The following DYM variants were observed in gnomAD, a reference collection of about 807,000 sequenced individuals.
The protein encoded by DYM is dyggve-Melchior-Clausen syndrome protein.
DYM carries 78 observed loss-of-function variants against 93.1 expected under a neutral mutation model. That is an observed-to-expected ratio of 0.84 (90% CI 0.70 to 1.01). The LOEUF (loss-of-function observed/expected upper bound fraction) is 1.01. DYM is among the 50% of genes least tolerant of loss of function. The pLI is 0.00. For missense variants in DYM, 789 were observed against 845.0 expected (o/e 0.93, Z 0.82); for synonymous variants, 321 against 319.7 (o/e 1.00, Z -0.04).
chr18:49,097,317 G>C, intron 17 of DYM, 85 bp downstream of exon 17: 1 of 1,223,954 alleles, frequency 8.2e-7, no homozygotes, highest in South Asian at 1.3e-5. Context: ...TAAGCAGCAT[G>C]ATTCTGGATA....
chr18:49,245,229 A>G (rs1419388487), intron 13 of DYM, among the ~76,000 whole-genome samples: 2 of 152,224 alleles, frequency 1.3e-5, no homozygotes, highest in Non-Finnish European at 2.9e-5. Flanking sequence ...TAACTGTACA[A>G]AATGTTTGTA....
At position 49,154,388 on chromosome 18, in the gene DYM, T is replaced by G. The variant is rs187751166; in HGVS notation, c.1728+9297A>C. On this transcript the variant is annotated intron_variant, in intron 15 of 17. Coordinates refer to ENST00000675505, the MANE Select transcript of DYM (RefSeq NM_001353214.3). Reference sequence around the variant, plus strand: ...AAGGGAGAATTGGGTGAAGTATATATGAAAATTCATTTTTGTTTTTTTTGA... The same window carrying G: ...AAGGGAGAATTGGGTGAAGTATATAGGAAAATTCATTTTTGTTTTTTTTGA... 1.2e-4 allele frequency among the ~76,000 whole-genome samples: 19 copies of G among 152,258 alleles called. No individual in the cohort carries two copies. The South Asian group carries it at 3.9e-3, about 32-fold the overall frequency.
chr18:49,266,914 G>T (rs1599001674), intron 11 of DYM, among the ~76,000 whole-genome samples: 1 of 152,086 alleles, frequency 6.6e-6, no homozygotes, highest in Non-Finnish European at 1.5e-5. Flanking sequence ...AAAGCAGAAG[G>T]ATGTAAAATC....
rs1218068314 is a variant in DYM, at chr18:49,371,042, GC to G, written c.421+7524del. 4.6e-5 allele frequency among the ~76,000 whole-genome samples: 7 copies of G among 152,298 alleles called. No homozygotes were observed. The East Asian group carries it at 1.3e-3, about 29-fold the overall frequency. ...GAGGATGAATGCCAGTTAGAATGAA[GC>G]CCACTGACTAAGCCTCAGTCAGTGG... On this transcript the variant is annotated intron_variant, in intron 5 of 17. Coordinates refer to ENST00000675505, the MANE Select transcript of DYM (RefSeq NM_001353214.3).
In DYM at chr18:49,283,336, C is replaced by A. The variant is rs185411201; in HGVS notation, c.947-1161G>T. 5.9e-5 allele frequency among the ~76,000 whole-genome samples: 9 copies of A among 152,042 alleles called. No homozygotes were observed. The East Asian group carries it at 1.2e-3, about 20-fold the overall frequency. ...TCAAAAGAGCACACCAAGCTTGAGA[C>A]AACTACCAGAAAACTTCTATAACTT... On this transcript the variant is annotated intron_variant, in intron 9 of 17. Transcript: ENST00000675505.
chr18:49,409,562 T>C (rs934131949), intron 2 of DYM, among the ~76,000 whole-genome samples: 5 of 152,116 alleles, frequency 3.3e-5, no homozygotes, highest in African/African-American at 4.8e-5. Context: ...AAAGCATGTA[T>C]CCCTTCATTC....
intron 17 of DYM, among the ~76,000 whole-genome samples, chr18:49,051,310 C>A (rs1018554122): frequency 3.3e-5 from 5 of 152,220 alleles, no homozygotes; most frequent in African/African-American, 9.6e-5. Flanking sequence ...AGGCTGGGGA[C>A]AGGAGGCCTT....
At chr18:49,290,403 C>G (rs1252010531) in intron 8 of DYM, among the ~76,000 whole-genome samples, 1 of 151,842 alleles carries the variant, frequency 6.6e-6, no homozygotes, top group Non-Finnish European at 1.5e-5. Flanking sequence ...ATACATCACA[C>G]TGCAAACAGA....
intron 13 of DYM, among the ~76,000 whole-genome samples, chr18:49,211,511 T>C (rs537533567): frequency 6.5e-4 from 99 of 152,284 alleles, no homozygotes; most frequent in African/African-American, 2.2e-3. Flanking sequence ...AAGAGGGTGA[T>C]AGGTAATTTT....
intron 2 of DYM, among the ~76,000 whole-genome samples, chr18:49,406,330 C>A (rs1396372371): frequency 6.6e-6 from 1 of 150,810 alleles, no homozygotes; most frequent in Admixed American, 6.6e-5. Context: ...GAGGCTGAGA[C>A]AGGCAGATCA....
chr18:49,115,721 A>G (rs1331551202), intron 16 of DYM, among the ~76,000 whole-genome samples: 1 of 152,244 alleles, frequency 6.6e-6, no homozygotes, highest in African/African-American at 2.4e-5. Flanking sequence ...TGAAAGAGAT[A>G]CATTAATAAA....
intron 5 of DYM, chr18:49,375,543 GA>G (rs1225011008): frequency 1.3e-5 from 2 of 152,076 alleles, no homozygotes; most frequent in African/African-American, 4.8e-5. Flanking sequence ...GGACAGAAGG[GA>G]AAATAAAAGA....
intron 14 of DYM, among the ~76,000 whole-genome samples, chr18:49,187,077 A>C (rs1053868358): frequency 2.0e-5 from 3 of 151,574 alleles, no homozygotes; most frequent in Non-Finnish European, 4.4e-5. Flanking sequence ...CTGCCACCAC[A>C]CCCAGCTAAT....
chr18:49,088,996 T>C (rs896639846), intron 17 of DYM, among the ~76,000 whole-genome samples: 1 of 152,082 alleles, frequency 6.6e-6, no homozygotes, highest in African/African-American at 2.4e-5. Context: ...TGAGGTCTTG[T>C]TATGTTTTCC....
rs2036436275 is a variant in DYM at position 49,043,703 on chromosome 18, T to TG, written c.*351dup. The stretch of plus-strand genomic sequence containing the variant: ...GAATAGTGTGCACTGTTGAATAGTG[T>TG]GCACTGTTGGATAGTGTGCACTGTT... On this transcript the variant is annotated 3_prime_UTR_variant, in exon 18 of 18. Transcript: ENST00000675505. The TG allele has an allele frequency of 3.3e-6, 1 of 306,310 alleles. No homozygotes were observed. Among genetic ancestry groups the TG allele is most frequent in the Non-Finnish European group, 6.2e-6 (1 of 161,280 alleles). The allele number at this position is 306,310 out of a possible 1,614,324, so 19.0% of individuals were successfully genotyped here.
intron 15 of DYM, among the ~76,000 whole-genome samples, chr18:49,132,866 AAAGTC>A (rs2083491795): frequency 6.6e-6 from 1 of 152,202 alleles, no homozygotes. Context: ...GAATTAGGGA[AAAGTC>A]AATAGGCACT....
At chr18:49,216,522 A>G (rs1437993012) in intron 13 of DYM, among the ~76,000 whole-genome samples, 1 of 152,168 alleles carries the variant, frequency 6.6e-6, no homozygotes, top group Non-Finnish European at 1.5e-5. Flanking sequence ...GCAGACTGAC[A>G]TCTCACACGG....
intron 17 of DYM, among the ~76,000 whole-genome samples, chr18:49,069,627 G>C (rs2076727536): frequency 6.6e-6 from 1 of 152,192 alleles, no homozygotes; most frequent in African/African-American, 2.4e-5. Context: ...TTGCTCCCTT[G>C]CTAATCAGAA....
In DYM at chr18:49,037,729, A is replaced by C. The variant is rs893114602; in HGVS notation, c.*6326T>G. On this transcript the variant is annotated 3_prime_UTR_variant, in exon 18 of 18. Coordinates refer to ENST00000675505, the MANE Select transcript of DYM (RefSeq NM_001353214.3). Reference sequence around the variant, plus strand: ...ATGGGTTACCTGGAAATCTATTTCCAAAAATATGAGGATTATAAAATTATC... The same window carrying C: ...ATGGGTTACCTGGAAATCTATTTCCCAAAATATGAGGATTATAAAATTATC... Among the ~76,000 whole-genome samples, 3 of 152,242 alleles carry C rather than the reference A, an allele frequency of 2.0e-5. No homozygotes were observed. The highest frequency in any genetic ancestry group is 7.2e-5 in the African/African-American group (3 of 41,472).
Sources: gnomAD v4.1 joint callset for allele counts (sites outside exome capture counted in the v4.1 genomes callset) on GRCh38, gnomAD v4.1.1 for gene constraint, MANE v1.5 for transcripts, NCBI Gene and HGNC (gene_info 2026-07-23, HGNC 2026-07-21) for gene names.